Variants in OSBPL1A observed in about 807,000 individuals in gnomAD.
OSBPL1A encodes oxysterol-binding protein-related protein 1.
OSBPL1A carries 80 observed loss-of-function variants against 137.1 expected under a neutral mutation model. The observed-to-expected ratio is 0.58, with a 90% CI of 0.49 to 0.70. The LOEUF (loss-of-function observed/expected upper bound fraction) is 0.70, where lower values mean the gene tolerates loss of function less well. Ranked by LOEUF, OSBPL1A falls within the 30% of genes least tolerant of loss-of-function variation. The pLI, the probability that OSBPL1A is intolerant of heterozygous loss-of-function variation, is 0.00. For missense variants in OSBPL1A, 970 were observed against 1,129.4 expected (o/e 0.86, Z 2.02); for synonymous variants, 365 against 389.7 (o/e 0.94, Z 0.75).
intron 5 of OSBPL1A, among the ~76,000 whole-genome samples, chr18:24,336,167 T>A (rs1409763777): frequency 6.6e-6 from 1 of 152,212 alleles, no homozygotes; most frequent in Non-Finnish European, 1.5e-5. Flanking sequence ...TCTGTCTGTG[T>A]AACCAAAGCA....
chr18:24,355,269 C>G (rs1404006778), intron 4 of OSBPL1A, among the ~76,000 whole-genome samples: 1 of 151,554 alleles, frequency 6.6e-6, no homozygotes, highest in Non-Finnish European at 1.5e-5. Flanking sequence ...TTTGGGAGGC[C>G]GAGGCAGGAG....
intron 18 of OSBPL1A, among the ~76,000 whole-genome samples, chr18:24,187,162 T>A (rs191100809): frequency 6.6e-6 from 1 of 152,158 alleles, no homozygotes; most frequent in African/African-American, 2.4e-5. Flanking sequence ...ACTTCTTGGG[T>A]AAGGTTGCTA....
At chr18:24,284,136 G>T (rs77597105) in intron 14 of OSBPL1A, among the ~76,000 whole-genome samples, 4 of 151,910 alleles carry the variant, frequency 2.6e-5, no homozygotes, top group Non-Finnish European at 5.9e-5. Flanking sequence ...GAACCTTGCC[G>T]TATGCCACAC....
At chr18:24,231,304 T>C (rs2088269064) in intron 16 of OSBPL1A, among the ~76,000 whole-genome samples, 1 of 152,170 alleles carries the variant, frequency 6.6e-6, no homozygotes, top group Non-Finnish European at 1.5e-5. Flanking sequence ...TTTTGTTTGT[T>C]TGTTTTGAAA....
At chr18:24,167,258 C>T in intron 25 of OSBPL1A, 71 bp downstream of exon 25, 2 of 1,420,132 alleles carry the variant, frequency 1.4e-6, no homozygotes, top group Non-Finnish European at 2.0e-6. Flanking sequence ...GCCGACCCTA[C>T]ACGTGCCAGG....
At chr18:24,368,941 T>G (rs1293001177) in intron 2 of OSBPL1A, among the ~76,000 whole-genome samples, 1 of 152,128 alleles carries the variant, frequency 6.6e-6, no homozygotes, top group Non-Finnish European at 1.5e-5. Context: ...GGGGCGGATT[T>G]CCCTCTTGCT....
chr18:24,318,533 T>G (rs1377782547), intron 9 of OSBPL1A, 68 bp downstream of exon 9: 17 of 1,337,762 alleles, frequency 1.3e-5, no homozygotes, highest in Non-Finnish European at 1.6e-5. Context: ...TTAAAAGTTT[T>G]AAACAGAAAT....
chr18:24,244,277 A>T (rs140735618), intron 15 of OSBPL1A, among the ~76,000 whole-genome samples: 28 of 152,354 alleles, frequency 1.8e-4, no homozygotes, highest in Non-Finnish European at 4.0e-4. Context: ...GATTTTTTAA[A>T]TTCTCAAACA....
intron 7 of OSBPL1A, among the ~76,000 whole-genome samples, chr18:24,331,497 C>T (rs1007127513): frequency 5.3e-5 from 8 of 149,896 alleles, no homozygotes; most frequent in East Asian, 3.9e-4. Flanking sequence ...CCCGGGTTCA[C>T]GCCATTCTCC....
chr18:24,335,166 T>C (rs766216140), intron 5 of OSBPL1A, among the ~76,000 whole-genome samples: 7 of 152,222 alleles, frequency 4.6e-5, no homozygotes, highest in Admixed American at 6.5e-5. Context: ...ACTGAGATTA[T>C]AGGCATGAGC....
chr18:24,307,101 A>C (rs1057466348), intron 13 of OSBPL1A, among the ~76,000 whole-genome samples: 7 of 151,698 alleles, frequency 4.6e-5, no homozygotes, highest in South Asian at 2.1e-4. Flanking sequence ...ACAAAAAAAA[A>C]AAAACAAAAA....
chr18:24,263,460 C>T (rs1461578774), intron 15 of OSBPL1A, among the ~76,000 whole-genome samples: 2 of 152,114 alleles, frequency 1.3e-5, no homozygotes, highest in South Asian at 2.1e-4. Context: ...AAATATTGGA[C>T]TAAAATATAT....
chr18:24,332,155 C>T (rs1332634209), intron 7 of OSBPL1A, among the ~76,000 whole-genome samples: 1 of 151,884 alleles, frequency 6.6e-6, no homozygotes, highest in Non-Finnish European at 1.5e-5. Context: ...GTGGGCAGAT[C>T]ATTTGAGGTC....
At position 24,280,907 on chromosome 18, in the gene OSBPL1A, C is replaced by G; in HGVS notation, c.1216G>C (p.Glu406Gln). The change falls in exon 15 of 28, where the codon GAA becomes CAA. Residue 406 changes from glutamate to glutamine, a missense_variant. Transcript: ENST00000319481. Reference protein sequence around the residue: ...SFLQKVEVVSEASRETCVALT... With the variant: ...SFLQKVEVVSQASRETCVALT... ...GCTACACAAGTTTCTCTAGAAGCTT[C>G]TGAGACAACTTCAACTTTCTGAAGA... The G allele has an allele frequency of 6.2e-7, 1 of 1,608,414 alleles. No individual in the cohort carries two copies. Among genetic ancestry groups the G allele is most frequent in the Non-Finnish European group, 8.5e-7 (1 of 1,178,568 alleles).
chr18:24,368,577 G>A (rs1291445411), intron 2 of OSBPL1A: 7 of 501,124 alleles, frequency 1.4e-5, no homozygotes, highest in Admixed American at 6.4e-5. Context: ...CTTCTGACTC[G>A]ATGTCTTCAC....
intron 2 of OSBPL1A, among the ~76,000 whole-genome samples, chr18:24,371,998 G>A (rs540181539): frequency 2.6e-4 from 40 of 152,248 alleles, no homozygotes; most frequent in South Asian, 2.5e-3. Context: ...TACTTCAGCC[G>A]GGCATGGTGG....
At chr18:24,176,697 C>G (rs2086456929) in intron 21 of OSBPL1A, among the ~76,000 whole-genome samples, 1 of 152,170 alleles carries the variant, frequency 6.6e-6, no homozygotes, top group South Asian at 2.1e-4. Flanking sequence ...AGCTTTCATT[C>G]CAGTGTCAGT....
At chr18:24,274,950 T>C (rs1439632012) in intron 15 of OSBPL1A, among the ~76,000 whole-genome samples, 1 of 150,280 alleles carries the variant, frequency 6.7e-6, no homozygotes, top group Non-Finnish European at 1.5e-5. Context: ...GGGGAGCTGC[T>C]ACAAAGGAAG....
At chr18:24,164,019 C>T (rs56161915) in intron 27 of OSBPL1A, among the ~76,000 whole-genome samples, 14,645 of 152,054 alleles carry the variant, frequency 0.096, 990 homozygotes, top group Middle Eastern at 0.27. Flanking sequence ...TGTGAGCCAC[C>T]GCACCTGGCC....
Sources: allele counts gnomAD v4.1 joint callset (sites outside exome capture counted in the v4.1 genomes callset), GRCh38; gene constraint gnomAD v4.1.1; transcripts MANE v1.5; gene names NCBI Gene and HGNC (gene_info 2026-07-23, HGNC 2026-07-21).